The following MS4A12 variants were observed in gnomAD, a reference collection of about 807,000 sequenced individuals.
MS4A12 encodes the protein membrane-spanning 4-domains subfamily A member 12.
MS4A12 carries 28 observed loss-of-function variants against 23.7 expected under a neutral mutation model. The observed-to-expected ratio is 1.18, with a 90% CI of 0.88 to 1.62. The LOEUF (loss-of-function observed/expected upper bound fraction) is 1.62, where lower values mean the gene tolerates loss of function less well. Ranked by LOEUF, MS4A12 falls within the 40% of genes most tolerant of loss-of-function variation. The probability of loss-of-function intolerance (pLI) is 0.00; values close to 1 mark genes in which losing one functional copy is unlikely to be tolerated. For missense variants in MS4A12, 342 were observed against 327.0 expected (o/e 1.05, Z -0.35); for synonymous variants, 108 against 110.1 (o/e 0.98, Z 0.12).
At chr11:60,497,874 C>A in intron 2 of MS4A12, 2 of 301,446 alleles carry the variant, frequency 6.6e-6, no homozygotes, top group Non-Finnish European at 1.2e-5. Flanking sequence ...CTCATTTCTT[C>A]AAAGGACTTT....
intron 1 of MS4A12, among the ~76,000 whole-genome samples, chr11:60,494,464 CA>C (rs1219745176): frequency 2.6e-5 from 4 of 152,022 alleles, no homozygotes; most frequent in East Asian, 1.9e-4. Context: ...TTTAAAAGCT[CA>C]AAAAAATTCT....
intron 1 of MS4A12, among the ~76,000 whole-genome samples, chr11:60,496,216 G>A (rs1466322644): frequency 2.0e-5 from 3 of 152,068 alleles, no homozygotes; most frequent in African/African-American, 4.8e-5. Context: ...GTACCAATAG[G>A]TTATTCATAG....
At chr11:60,494,932 AG>A (rs2086476496) in intron 1 of MS4A12, among the ~76,000 whole-genome samples, 1 of 152,150 alleles carries the variant, frequency 6.6e-6, no homozygotes, top group Non-Finnish European at 1.5e-5. Flanking sequence ...CAAGAGTCAC[AG>A]CTATGGACTT....
chr11:60,496,451 C>A (rs936629247), intron 1 of MS4A12, among the ~76,000 whole-genome samples: 1 of 152,032 alleles, frequency 6.6e-6, no homozygotes, highest in African/African-American at 2.4e-5. Context: ...CTACATGGGG[C>A]CTGAGATGCT....
chr11:60,496,371 T>G (rs1036059679), intron 1 of MS4A12, among the ~76,000 whole-genome samples: 2 of 152,248 alleles, frequency 1.3e-5, no homozygotes, highest in Non-Finnish European at 2.9e-5. Flanking sequence ...CATAATTTTT[T>G]TCAAGAATTA....
intron 4 of MS4A12, 63 bp downstream of exon 4, chr11:60,502,102 A>G: frequency 6.8e-7 from 1 of 1,475,528 alleles, no homozygotes; most frequent in Non-Finnish European, 9.3e-7. Context: ...ATTGGGGAGG[A>G]AAATTGAAAA....
At chr11:60,506,238 A>G (rs1469888003) in intron 5 of MS4A12, among the ~76,000 whole-genome samples, 1 of 152,240 alleles carries the variant, frequency 6.6e-6, no homozygotes, top group Non-Finnish European at 1.5e-5. Flanking sequence ...CCATTCTTAT[A>G]GAATGATGCT....
chr11:60,493,834 C>T (rs1308623747), intron 1 of MS4A12, among the ~76,000 whole-genome samples: 1 of 152,156 alleles, frequency 6.6e-6, no homozygotes, highest in Non-Finnish European at 1.5e-5. Flanking sequence ...AAATTTTTCC[C>T]ATTTTTATTT....
intron 1 of MS4A12, among the ~76,000 whole-genome samples, chr11:60,494,808 G>A (rs567176219): frequency 6.6e-6 from 1 of 152,278 alleles, no homozygotes; most frequent in East Asian, 1.9e-4. Flanking sequence ...TAGTGAAGTA[G>A]CAGATTGAAG....
chr11:60,501,308 G>T, intron 3 of MS4A12, 126 bp downstream of exon 3: 1 of 1,051,612 alleles, frequency 9.5e-7, no homozygotes, highest in South Asian at 2.5e-5. Context: ...TCTGAGGGCT[G>T]GAGAATTTAG....
At chr11:60,498,497 C>T (rs748288480) in intron 2 of MS4A12, among the ~76,000 whole-genome samples, 2 of 152,248 alleles carry the variant, frequency 1.3e-5, no homozygotes, top group Non-Finnish European at 1.5e-5. Context: ...ATTCCCTGCT[C>T]CTAATAAGCC....
intron 1 of MS4A12, among the ~76,000 whole-genome samples, chr11:60,495,314 T>C (rs2086480455): frequency 6.6e-6 from 1 of 151,816 alleles, no homozygotes; most frequent in African/African-American, 2.4e-5. Flanking sequence ...TGTAATCAGA[T>C]ATTTCAGAAA....
Position 60,503,785 on chromosome 11 carries a change from A to G in MS4A12, c.556A>G (p.Asn186Asp). 1 of 1,613,954 alleles carries G rather than the reference A, an allele frequency of 6.2e-7. No homozygotes were observed. Among genetic ancestry groups the G allele is most frequent in the East Asian group, 2.2e-5 (1 of 44,882 alleles). The change falls in exon 5 of 7, where the codon AAT (asparagine) becomes GAT (aspartate). Residue 186 changes from asparagine (N) to aspartate (D), a missense_variant. By Grantham distance (23) the Asn-to-Asp change is conservative. Coordinates refer to ENST00000016913, the MANE Select transcript of MS4A12 (RefSeq NM_017716.3). Reference protein sequence around the residue: ...VILLLVDMCINGVAGQDYWAV... With the variant: ...VILLLVDMCIDGVAGQDYWAV... ...TCTGCTGCTGGTGGATATGTGCATCAATGGGGTAGCTGGCCAAGACTACTG... is the reference window on the plus strand; with the variant it reads ...TCTGCTGCTGGTGGATATGTGCATCGATGGGGTAGCTGGCCAAGACTACTG...
At chr11:60,501,502 T>C (rs1432371205) in intron 3 of MS4A12, among the ~76,000 whole-genome samples, 1 of 152,114 alleles carries the variant, frequency 6.6e-6, no homozygotes, top group Non-Finnish European at 1.5e-5. Context: ...TGGAAATGTA[T>C]GTATTGGGTG....
chr11:60,501,436 A>C (rs1043178889), intron 3 of MS4A12, among the ~76,000 whole-genome samples: 2 of 152,242 alleles, frequency 1.3e-5, no homozygotes, highest in Non-Finnish European at 2.9e-5. Context: ...TCCATTCTTT[A>C]AAATTTAATC....
At chr11:60,500,612 C>T (rs1041760188) in intron 2 of MS4A12, among the ~76,000 whole-genome samples, 8 of 152,170 alleles carry the variant, frequency 5.3e-5, no homozygotes, top group Non-Finnish European at 8.8e-5. Context: ...TAATTCATGC[C>T]TAATAAATGG....
In MS4A12 at chr11:60,501,106, C is replaced by A. The variant is rs373214880; in HGVS notation, c.338C>A (p.Ser113Tyr). The change falls in exon 3 of 7, where the codon TCC (serine) becomes TAC (tyrosine). Residue 113 changes from serine to tyrosine, a missense_variant. Physicochemically the swap from Ser to Tyr is moderately radical, Grantham distance 144 (BLOSUM62 -2). Coordinates refer to ENST00000016913, the MANE Select transcript of MS4A12 (RefSeq NM_017716.3). Reference sequence around the variant, plus strand: ...TTTGGAATTGTTTTGTGTTTAATATCCTTCTCTTTTAGAGAAGTATTAGGT... The same window carrying A: ...TTTGGAATTGTTTTGTGTTTAATATACTTCTCTTTTAGAGAAGTATTAGGT... ...IGFGIVLCLI[S>Y]FSFREVLGFA... The A allele has an allele frequency of 1.6e-4, 264 of 1,612,870 alleles. No homozygotes were observed. Among genetic ancestry groups the A allele is most frequent in the Non-Finnish European group, 2.2e-4 (258 of 1,179,340 alleles).
At chr11:60,497,288 C>T in intron 1 of MS4A12, 25 bp from the exon 2 acceptor site, 4 of 1,576,102 alleles carry the variant, frequency 2.5e-6, no homozygotes, top group Non-Finnish European at 3.4e-6. Context: ...AAACGTATCA[C>T]TTTTGTATGT....
Position 60,507,139 on chromosome 11 carries a change from G to T in MS4A12, c.*15G>T. The T allele has an allele frequency of 1.3e-6, 2 of 1,581,974 alleles. No homozygotes were observed. Among genetic ancestry groups the T allele is most frequent in the Non-Finnish European group, 1.7e-6 (2 of 1,150,876 alleles). On this transcript the variant is annotated 3_prime_UTR_variant, in exon 7 of 7. Coordinates refer to ENST00000016913, the MANE Select transcript of MS4A12 (RefSeq NM_017716.3). ...CCCCTAAATAGTAAAAGAAAAAGGG[G>T]TATCAGTCTAATCTCATGGAGAAAA...
Sources: gnomAD v4.1 joint callset for allele counts (sites outside exome capture counted in the v4.1 genomes callset) on GRCh38, gnomAD v4.1.1 for gene constraint, MANE v1.5 for transcripts, NCBI Gene and HGNC (gene_info 2026-07-23, HGNC 2026-07-21) for gene names.